The following CNTNAP2 variants were observed in gnomAD, a reference collection of about 807,000 sequenced individuals.
CNTNAP2 encodes contactin associated protein 2, also known as contactin-associated protein-like 2.
A neutral mutation model predicts 155.2 loss-of-function variants in CNTNAP2; 98 were observed. That is an observed-to-expected ratio of 0.63 (90% CI 0.54 to 0.75). The LOEUF (loss-of-function observed/expected upper bound fraction) is 0.75. Ranked by LOEUF, CNTNAP2 falls within the 30% of genes least tolerant of loss-of-function variation. The pLI is 0.00. For missense variants in CNTNAP2, 1,727 were observed against 1,688.1 expected (o/e 1.02, Z -0.40); for synonymous variants, 651 against 631.2 (o/e 1.03, Z -0.47).
intron 4 of CNTNAP2, among the ~76,000 whole-genome samples, chr7:147,050,004 A>G (rs1282986637): frequency 6.6e-6 from 1 of 152,130 alleles, no homozygotes; most frequent in Non-Finnish European, 1.5e-5. Context: ...CTACTTCCTG[A>G]CTTGTCTTGA....
At chr7:147,073,661 T>A (rs201853988) in intron 4 of CNTNAP2, among the ~76,000 whole-genome samples, 1 of 152,012 alleles carries the variant, frequency 6.6e-6, no homozygotes. Context: ...GAGTGGCAGG[T>A]AGGTCAGGGG....
intron 21 of CNTNAP2, among the ~76,000 whole-genome samples, chr7:148,334,615 G>A (rs1389512406): frequency 1.3e-5 from 2 of 152,180 alleles, no homozygotes; most frequent in African/African-American, 4.8e-5. Context: ...AGGAACCACA[G>A]GCTGCACTAG....
intron 3 of CNTNAP2, among the ~76,000 whole-genome samples, chr7:146,974,885 G>C (rs1797877207): frequency 6.6e-6 from 1 of 152,018 alleles, no homozygotes; most frequent in African/African-American, 2.4e-5. Flanking sequence ...CGTAATCCCA[G>C]CTACCTGGAT....
rs200792114 is a variant in CNTNAP2, at chr7:146,597,770, CGTT to C, written c.98-176497_98-176495del. Among the ~76,000 whole-genome samples the C allele has an allele frequency of 1.8e-3, 273 of 152,054 alleles. 3 individuals carry two copies. The East Asian group carries it at 0.042, about 23-fold the overall frequency. Reference sequence around the variant, plus strand: ...AAAATATACTATAATTTAAATTTTACGTTGTTATTTTTATTAATGTGGGTACAA... The same window carrying C: ...AAAATATACTATAATTTAAATTTTACGTTATTTTTATTAATGTGGGTACAA... On this transcript the variant is annotated intron_variant, in intron 1 of 23. Transcript: ENST00000361727.
intron 13 of CNTNAP2, among the ~76,000 whole-genome samples, chr7:147,663,633 T>C (rs763126914): frequency 6.6e-6 from 1 of 152,268 alleles, no homozygotes; most frequent in Non-Finnish European, 1.5e-5. Flanking sequence ...TTTTCAGTTA[T>C]GTTTCCTCAC....
At chr7:147,925,128 AAG>A (rs1554450357) in intron 14 of CNTNAP2, among the ~76,000 whole-genome samples, 1 of 59,768 alleles carries the variant, frequency 1.7e-5, no homozygotes, top group Non-Finnish European at 3.1e-5. Flanking sequence ...GAAAGAGAGA[AAG>A]AGAGAAGAGA....
At chr7:146,414,559 T>A (rs1368208641) in intron 1 of CNTNAP2, among the ~76,000 whole-genome samples, 2 of 152,172 alleles carry the variant, frequency 1.3e-5, no homozygotes, top group East Asian at 3.9e-4. Flanking sequence ...TACTGTGTTA[T>A]CCCTGAGCTT....
At chr7:147,498,070 G>C (rs1798742780) in intron 11 of CNTNAP2, among the ~76,000 whole-genome samples, 1 of 151,848 alleles carries the variant, frequency 6.6e-6, no homozygotes, top group Non-Finnish European at 1.5e-5. Flanking sequence ...CTTGAGTAAG[G>C]CAAGTAGGAA....
At chr7:148,353,608 G>A (rs1798465070) in intron 21 of CNTNAP2, among the ~76,000 whole-genome samples, 1 of 152,156 alleles carries the variant, frequency 6.6e-6, no homozygotes, top group Non-Finnish European at 1.5e-5. Context: ...CCTTTTGGTA[G>A]GGTGAAAGTT....
chr7:147,371,406 A>G (rs1220976763), intron 9 of CNTNAP2, among the ~76,000 whole-genome samples: 1 of 152,180 alleles, frequency 6.6e-6, no homozygotes, highest in Non-Finnish European at 1.5e-5. Context: ...AGTTTTATAT[A>G]AGATACACAG....
chr7:146,929,192 T>C (rs1207597150), intron 3 of CNTNAP2, among the ~76,000 whole-genome samples: 1 of 151,994 alleles, frequency 6.6e-6, no homozygotes, highest in Non-Finnish European at 1.5e-5. Context: ...CACCCCCCAG[T>C]AGGGGCAGAC....
chr7:147,396,568 A>G (rs1796820297), intron 10 of CNTNAP2, among the ~76,000 whole-genome samples: 1 of 152,024 alleles, frequency 6.6e-6, no homozygotes, highest in Non-Finnish European at 1.5e-5. Flanking sequence ...TAAAAACTTT[A>G]ATTGTATTCT....
chr7:146,135,780 A>G (rs2116745942), intron 1 of CNTNAP2, among the ~76,000 whole-genome samples: 1 of 152,250 alleles, frequency 6.6e-6, no homozygotes, highest in Middle Eastern at 3.4e-3. Context: ...TACCTATGTA[A>G]TTGATAATAT....
At chr7:146,334,446 A>AC (rs1801240789) in intron 1 of CNTNAP2, among the ~76,000 whole-genome samples, 1 of 151,848 alleles carries the variant, frequency 6.6e-6, no homozygotes, top group African/African-American at 2.4e-5. Flanking sequence ...AAAAAAAAAA[A>AC]AGCATCCAAT....
rs193251563 is a variant in CNTNAP2 at position 147,155,672 on chromosome 7, A to G, written c.1348+23163A>G. Among the ~76,000 whole-genome samples the G allele has an allele frequency of 5.3e-3, 803 of 152,308 alleles. 2 individuals carry two copies. The highest frequency in any genetic ancestry group is 0.027 in the Middle Eastern group (8 of 294). ...AAGCATAATATATGACATGTATTGTATTTTACCATGAATAACATGTTAATG... is the reference window on the plus strand; with the variant it reads ...AAGCATAATATATGACATGTATTGTGTTTTACCATGAATAACATGTTAATG... On this transcript the variant is annotated intron_variant, in intron 8 of 23. Transcript: ENST00000361727.
At chr7:146,886,147 A>G (rs1018336264) in intron 3 of CNTNAP2, among the ~76,000 whole-genome samples, 3 of 152,020 alleles carry the variant, frequency 2.0e-5, no homozygotes, top group Non-Finnish European at 4.4e-5. Context: ...TTAAAAGAGC[A>G]TCTGAAGCCT....
intron 10 of CNTNAP2, among the ~76,000 whole-genome samples, chr7:147,466,020 C>T (rs1798113954): frequency 6.6e-6 from 1 of 152,158 alleles, no homozygotes; most frequent in Non-Finnish European, 1.5e-5. Flanking sequence ...GAAAAATCAA[C>T]TTGCAAAAAG....
intron 1 of CNTNAP2, among the ~76,000 whole-genome samples, chr7:146,740,370 C>A (rs1249364080): frequency 1.3e-5 from 2 of 150,556 alleles, no homozygotes; most frequent in Non-Finnish European, 3.0e-5. Context: ...TTGTTCACTT[C>A]TCTGTATTTT....
chr7:146,254,729 A>G (rs187581259), intron 1 of CNTNAP2, among the ~76,000 whole-genome samples: 1 of 152,296 alleles, frequency 6.6e-6, no homozygotes, highest in Non-Finnish European at 1.5e-5. Context: ...ATATTAGGTA[A>G]AAGAGAGTCT....
Sources: allele counts gnomAD v4.1 joint callset (sites outside exome capture counted in the v4.1 genomes callset), GRCh38; gene constraint gnomAD v4.1.1; transcripts MANE v1.5; gene names NCBI Gene and HGNC (gene_info 2026-07-23, HGNC 2026-07-21).